The following PCDHGA9 variants were observed in gnomAD, a reference collection of about 807,000 sequenced individuals.
The protein encoded by PCDHGA9 is protocadherin gamma subfamily A, 9.
A neutral mutation model predicts 62.5 loss-of-function variants in PCDHGA9; 37 were observed. The ratio of observed to expected loss-of-function variants is 0.59; its 90% CI spans 0.46 to 0.78. The LOEUF (loss-of-function observed/expected upper bound fraction) is 0.78, where lower values mean the gene tolerates loss of function less well. Among genes scored for constraint, PCDHGA9 ranks in the 30% least tolerant of loss-of-function variants. The pLI, the probability that PCDHGA9 is intolerant of heterozygous loss-of-function variation, is 0.00. For missense variants in PCDHGA9, 1,138 were observed against 1,166.2 expected (o/e 0.98, Z 0.35); for synonymous variants, 459 against 484.6 (o/e 0.95, Z 0.69).
Position 141,432,830 on chromosome 5 carries a change from C to G in PCDHGA9, c.2424+27454C>G, listed in dbSNP as rs780093171. On this transcript the variant is annotated intron_variant, in intron 1 of 3. Coordinates refer to ENST00000573521, the MANE Select transcript of PCDHGA9 (RefSeq NM_018921.3). The surrounding 1 kb of genome is among the most constrained non-coding windows in gnomAD (Gnocchi z 6.0). ...TAACTCTGAAACCTCAGACCTCACT[C>G]TGTACCTGGTGGTAGCGGTGGCCGC... 4 of 1,614,208 alleles carry G rather than the reference C, an allele frequency of 2.5e-6. No individual in the cohort carries two copies. The highest frequency in any genetic ancestry group is 2.2e-5 in the East Asian group (1 of 44,874).
intron 1 of PCDHGA9, among the ~76,000 whole-genome samples, chr5:141,447,761 T>C (rs2098551051): frequency 1.3e-5 from 2 of 152,186 alleles, no homozygotes; most frequent in African/African-American, 4.8e-5. Context: ...TGACTGTATA[T>C]AAATTATACT....
rs138616951 is a variant in PCDHGA9, at chr5:141,490,312, C to T, written c.2425-4495C>T. On this transcript the variant is annotated intron_variant, in intron 1 of 3. Transcript: ENST00000573521. The surrounding 1 kb of genome is among the most constrained non-coding windows in gnomAD (Gnocchi z 5.4). ...GGTGCTATTGGCCTCTTTGGCCAAC[C>T]CTGTCCTAGAGAGCACACCAGTGGG... 67 of 1,614,050 alleles carry T rather than the reference C, an allele frequency of 4.2e-5. No individual in the cohort carries two copies. The highest frequency in any genetic ancestry group is 5.3e-5 in the Non-Finnish European group (63 of 1,180,008).
chr5:141,473,647 C>T (rs2099326149), intron 1 of PCDHGA9, among the ~76,000 whole-genome samples: 1 of 152,172 alleles, frequency 6.6e-6, no homozygotes, highest in Non-Finnish European at 1.5e-5. Flanking sequence ...GGCAAAGGAA[C>T]AATTTGTGTG....
Position 141,409,997 on chromosome 5 carries a change from G to A in PCDHGA9, c.2424+4621G>A. 1.9e-6 allele frequency: 3 copies of A among 1,613,224 alleles called. No homozygotes were observed. The African/African-American group carries it at 4.0e-5, about 22-fold the overall frequency. ...GGTGGTAGCGGTGGACGCCGACTCG[G>A]GACACAACGCCTGGCTGTCCTACCA... On this transcript the variant is annotated intron_variant, in intron 1 of 3. Coordinates refer to ENST00000573521, the MANE Select transcript of PCDHGA9 (RefSeq NM_018921.3).
At position 141,487,934 on chromosome 5, in the gene PCDHGA9, C is replaced by G; in HGVS notation, c.2425-6873C>G. 4.9e-6 allele frequency: 3 copies of G among 607,674 alleles called. No individual in the cohort carries two copies. Among genetic ancestry groups the G allele is most frequent in the Non-Finnish European group, 5.8e-6 (2 of 347,576 alleles). The allele number at this position is 607,674 out of a possible 1,614,324, so 37.6% of individuals were successfully genotyped here. A position where few individuals can be genotyped will look rare whatever the true frequency, so the allele number is the denominator to read the frequency against. On this transcript the variant is annotated intron_variant, in intron 1 of 3. Transcript: ENST00000573521. The surrounding 1 kb of genome is among the most constrained non-coding windows in gnomAD (Gnocchi z 5.0). ...ACAGGAGGCTACAGTGCACAGGGTA[C>G]AGTGCACCAGGCAGTCACTTGGACA... is the stretch of plus-strand genomic sequence containing the variant.
intron 1 of PCDHGA9, chr5:141,415,478 G>C: frequency 6.2e-7 from 1 of 1,614,082 alleles, no homozygotes; most frequent in Non-Finnish European, 8.5e-7. Flanking sequence ...GCGGACTCGC[G>C]AAAGAGTCAC....
chr5:141,405,178 T>C lies in PCDHGA9; in HGVS notation c.2226T>C (p.Gly742=), dbSNP rs769150671. Residue 742 remains glycine, a synonymous_variant, in exon 1 of 4, where the codon GGT becomes GGC. Coordinates refer to ENST00000573521, the MANE Select transcript of PCDHGA9 (RefSeq NM_018921.3). ...LAGVPTSHFV[G]VDGVRAFLQT... ...GTGTGCCCACCTCACACTTTGTGGG[T>C]GTAGATGGGGTTCGAGCTTTCCTAC... 5 of 1,613,890 alleles carry C rather than the reference T, an allele frequency of 3.1e-6. No individual in the cohort carries two copies. Among genetic ancestry groups the C allele is most frequent in the African/African-American group, 2.7e-5 (2 of 74,870 alleles).
chr5:141,404,826 A>C lies in PCDHGA9; in HGVS notation c.1874A>C (p.Glu625Ala), dbSNP rs771996319. 2.5e-6 allele frequency: 4 copies of C among 1,613,710 alleles called. No individual in the cohort carries two copies. In the South Asian group the frequency reaches 3.3e-5, roughly 13 times the overall value. Reference protein sequence around the residue: ...GLFSVGLHTGEVRTARALLDR... With the variant: ...GLFSVGLHTGAVRTARALLDR... The stretch of plus-strand genomic sequence containing the variant: ...TTCTCGGTGGGGCTGCACACAGGTG[A>C]AGTGCGCACAGCTCGGGCCCTGCTA... Residue 625 changes from glutamate to alanine, a missense_variant, in exon 1 of 4, where the codon GAA (glutamate) becomes GCA (alanine). Transcript: ENST00000573521.
Position 141,404,868 on chromosome 5 carries a change from A to G in PCDHGA9, c.1916A>G (p.Lys639Arg), listed in dbSNP as rs375122600. The change falls in exon 1 of 4, where the codon AAA becomes AGA. Residue 639 changes from lysine (K) to arginine (R), a missense_variant. Physicochemically the swap from Lys to Arg is conservative, Grantham distance 26. Coordinates refer to ENST00000573521, the MANE Select transcript of PCDHGA9 (RefSeq NM_018921.3). ...ARALLDRDAL[K>R]QSLVVAVQDH... Reference sequence around the variant, plus strand: ...GCCCTGCTAGATAGAGATGCGCTCAAACAGAGCCTTGTGGTGGCTGTACAG... The same window carrying G: ...GCCCTGCTAGATAGAGATGCGCTCAGACAGAGCCTTGTGGTGGCTGTACAG... 5.1e-5 allele frequency: 83 copies of G among 1,613,770 alleles called. 1 individual carries two copies. The highest frequency in any genetic ancestry group is 6.9e-5 in the Non-Finnish European group (81 of 1,179,896).
At chr5:141,412,948 G>A in intron 1 of PCDHGA9, 1 of 468,334 alleles carries the variant, frequency 2.1e-6, no homozygotes, top group Non-Finnish European at 3.7e-6. Context: ...TCTGAGCGCC[G>A]CTGTTCACCT....
At chr5:141,441,863 C>A in intron 1 of PCDHGA9, 2 of 342,418 alleles carry the variant, frequency 5.8e-6, no homozygotes, top group African/African-American at 2.2e-5. Flanking sequence ...CTGCACGCCG[C>A]GGAGCCTGGC....
intron 1 of PCDHGA9, among the ~76,000 whole-genome samples, chr5:141,488,238 C>G (rs374846692): frequency 6.6e-6 from 1 of 152,154 alleles, no homozygotes; most frequent in African/African-American, 2.4e-5. Context: ...GAACTAGATG[C>G]GGTAAATTGG....
At chr5:141,445,895 A>C (rs930350527) in intron 1 of PCDHGA9, among the ~76,000 whole-genome samples, 1 of 152,212 alleles carries the variant, frequency 6.6e-6, no homozygotes, top group Admixed American at 6.5e-5. Context: ...GGAGCTATTA[A>C]AATATTTTAA....
intron 1 of PCDHGA9, among the ~76,000 whole-genome samples, chr5:141,448,434 GA>G (rs1297090877): frequency 1.3e-5 from 2 of 152,050 alleles, no homozygotes; most frequent in South Asian, 4.2e-4. Flanking sequence ...TATATATTGA[GA>G]AGTCTGACTT....
chr5:141,457,417 CTTTT>C (rs894846890), intron 1 of PCDHGA9, among the ~76,000 whole-genome samples: 4 of 152,180 alleles, frequency 2.6e-5, no homozygotes, highest in Admixed American at 2.6e-4. Context: ...TTACCCATCC[CTTTT>C]TCCCCCCCAC....
chr5:141,474,210 A>G (rs1054533367), intron 1 of PCDHGA9, among the ~76,000 whole-genome samples: 3 of 152,230 alleles, frequency 2.0e-5, no homozygotes, highest in Non-Finnish European at 4.4e-5. Context: ...ATTTTCAAAA[A>G]CCAGATTGTG....
rs776348214 is a variant in PCDHGA9 at position 141,487,781 on chromosome 5, G to A, written c.2425-7026G>A. 108 of 1,526,850 alleles carry A rather than the reference G, an allele frequency of 7.1e-5. No individual in the cohort carries two copies. Among genetic ancestry groups the A allele is most frequent in the East Asian group, 3.7e-4 (15 of 40,622 alleles). 94.6% of individuals were successfully genotyped at this position (1,526,850 alleles called of 1,614,324 possible). On this transcript the variant is annotated intron_variant, in intron 1 of 3. Coordinates refer to ENST00000573521, the MANE Select transcript of PCDHGA9 (RefSeq NM_018921.3). This position sits in a 1 kb window ranked among gnomAD's most constrained non-coding sequence, Gnocchi z 5.0. ...AGACGCTGTGCTTTGTAACTGTTTC[G>A]TGAATTAACCAGAGTTGTCACAGTT... is the stretch of plus-strand genomic sequence containing the variant.
At position 141,486,383 on chromosome 5, in the gene PCDHGA9, C is replaced by A. The variant is rs757384186; in HGVS notation, c.2425-8424C>A. On this transcript the variant is annotated intron_variant, in intron 1 of 3. Transcript: ENST00000573521. The surrounding 1 kb of genome is among the most constrained non-coding windows in gnomAD (Gnocchi z 5.0). ...TGCCCTCAAGTCTGCCTTCAGGAAC[C>A]AGTTCTCCCTGGTGACTGCTGGACC... The A allele has an allele frequency of 6.2e-7, 1 of 1,614,040 alleles. No homozygotes were observed. Among genetic ancestry groups the A allele is most frequent in the East Asian group, 2.2e-5 (1 of 44,884 alleles).
At chr5:141,430,979 C>A (rs370494413) in intron 1 of PCDHGA9, 2 of 1,613,642 alleles carry the variant, frequency 1.2e-6, no homozygotes, top group Non-Finnish European at 1.7e-6. Context: ...TAGGACGCAG[C>A]TTTTCGCCCT....
Sources: gnomAD v4.1 joint callset for allele counts (sites outside exome capture counted in the v4.1 genomes callset) on GRCh38, gnomAD v4.1.1 for gene constraint, Gnocchi (gnomAD v3.1) non-coding constraint, MANE v1.5 for transcripts, NCBI Gene and HGNC (gene_info 2026-07-23, HGNC 2026-07-21) for gene names.